Variants in PTK2 observed in about 807,000 individuals in gnomAD.
PTK2 encodes the protein protein tyrosine kinase 2, also known as focal adhesion kinase 1.
Under a neutral mutation model 150.1 loss-of-function variants are expected in PTK2, and 45 were observed. The observed-to-expected ratio is 0.30, with a 90% CI of 0.24 to 0.38. PTK2 has a LOEUF of 0.38. Among genes scored for constraint, PTK2 ranks in the 10% least tolerant of loss-of-function variants. PTK2 has a pLI of 1.00. For synonymous variants in PTK2, 432 were observed against 449.2 expected, an observed-to-expected ratio of 0.96 and a Z score of 0.48; for missense variants, 919 against 1,307.3, an observed-to-expected ratio of 0.70 and a Z score of 4.58.
At chr8:140,821,224 C>T (rs1334691644) in intron 8 of PTK2, 1 of 152,218 alleles carries the variant, frequency 6.6e-6, no homozygotes, top group African/African-American at 2.4e-5. Context: ...TTACCTAAGG[C>T]ATGTGACTTT....
At chr8:140,932,688 A>G (rs2100172277) in intron 1 of PTK2, among the ~76,000 whole-genome samples, 1 of 152,204 alleles carries the variant, frequency 6.6e-6, no homozygotes, top group South Asian at 2.1e-4. Context: ...TAAATTATGG[A>G]TATTTGCATC....
intron 13 of PTK2, among the ~76,000 whole-genome samples, chr8:140,790,949 C>A (rs1254120374): frequency 6.6e-6 from 1 of 152,164 alleles, no homozygotes; most frequent in African/African-American, 2.4e-5. Context: ...GTCTGCGCCA[C>A]AATTATGTAT....
At chr8:140,858,219 G>C (rs1409210960) in intron 5 of PTK2, among the ~76,000 whole-genome samples, 1 of 151,876 alleles carries the variant, frequency 6.6e-6, no homozygotes, top group Admixed American at 6.6e-5. Flanking sequence ...AGAAAGACAA[G>C]AAATTAAAAA....
intron 5 of PTK2, among the ~76,000 whole-genome samples, chr8:140,863,048 T>TG (rs1007378962): frequency 2.0e-5 from 3 of 152,208 alleles, no homozygotes; most frequent in African/African-American, 7.2e-5. Context: ...ATCTTTTAAA[T>TG]GGTAACATCT....
intron 5 of PTK2, among the ~76,000 whole-genome samples, chr8:140,850,144 G>T (rs1174158531): frequency 6.6e-6 from 1 of 152,120 alleles, no homozygotes. Flanking sequence ...TTAATTTGTT[G>T]GCTAGGCACA....
At chr8:140,748,370 G>C (rs995337391) in intron 17 of PTK2, among the ~76,000 whole-genome samples, 5 of 152,126 alleles carry the variant, frequency 3.3e-5, no homozygotes, top group African/African-American at 9.6e-5. Context: ...GTGTGTGCCT[G>C]TAGTCCCAGC....
chr8:140,927,973 A>ATAGATATAT (rs1257108435), intron 1 of PTK2, among the ~76,000 whole-genome samples: 1 of 72,940 alleles, frequency 1.4e-5, no homozygotes, highest in Non-Finnish European at 2.4e-5. Context: ...AAAAAAAAAA[A>ATAGATATAT]AAATATATAT....
chr8:140,822,312 AGTATAATTCT>A (rs1210971413), intron 8 of PTK2: 2 of 151,908 alleles, frequency 1.3e-5, no homozygotes, highest in African/African-American at 4.8e-5. Context: ...CAGGAGGAAC[AGTATAATTCT>A]GTGCATATAG....
At chr8:140,928,122 T>C (rs182071370) in intron 1 of PTK2, among the ~76,000 whole-genome samples, 2 of 151,610 alleles carry the variant, frequency 1.3e-5, no homozygotes, top group Admixed American at 6.6e-5. Context: ...TGGCCTTTTT[T>C]GTCAATTTCC....
intron 10 of PTK2, among the ~76,000 whole-genome samples, chr8:140,810,785 C>A (rs2100101048): frequency 1.3e-5 from 2 of 152,228 alleles, no homozygotes; most frequent in Admixed American, 1.3e-4. Context: ...CTTATGTCAA[C>A]ATTATCCCAA....
chr8:140,751,957 C>T, intron 17 of PTK2: 1 of 595,360 alleles, frequency 1.7e-6, no homozygotes, highest in Non-Finnish European at 3.2e-6. Flanking sequence ...TATATATCTG[C>T]ACCAATTCCA....
intron 1 of PTK2, among the ~76,000 whole-genome samples, chr8:140,940,890 A>G (rs1436939572): frequency 1.3e-5 from 2 of 152,056 alleles, no homozygotes; most frequent in Non-Finnish European, 2.9e-5. Flanking sequence ...GAATTGCTTG[A>G]ACCCAGGAGG....
intron 18 of PTK2, 158 bp downstream of exon 21, chr8:140,746,602 T>G: frequency 1.9e-6 from 1 of 521,068 alleles, no homozygotes; most frequent in Non-Finnish European, 3.3e-6. Context: ...ATGATGAAGA[T>G]ATTTATACCC....
intron 16 of PTK2, 28 bp from the exon 20 acceptor site, chr8:140,752,344 C>A (rs1172250585): frequency 6.3e-7 from 1 of 1,590,694 alleles, no homozygotes; most frequent in Non-Finnish European, 8.6e-7. Flanking sequence ...TAGAATCACA[C>A]ACACATGCAA....
At chr8:140,714,796 C>CAAAAAAAAAAAA (rs398010102) in intron 23 of PTK2, among the ~76,000 whole-genome samples, 3 of 46,872 alleles carry the variant, frequency 6.4e-5, no homozygotes, top group African/African-American at 9.0e-5. Flanking sequence ...GGCTCTGTCT[C>CAAAAAAAAAAAA]AAAAAAAAAA....
At chr8:140,885,181 A>ATT (rs2100151823) in intron 3 of PTK2, among the ~76,000 whole-genome samples, 2 of 152,218 alleles carry the variant, frequency 1.3e-5, no homozygotes, top group African/African-American at 4.8e-5. Flanking sequence ...ATATCAGTAA[A>ATT]GTGGGGTATG....
chr8:140,759,262 G>A (rs1160487027), intron 16 of PTK2, among the ~76,000 whole-genome samples: 2 of 151,684 alleles, frequency 1.3e-5, no homozygotes, highest in African/African-American at 4.9e-5. Flanking sequence ...AGTCTTATAC[G>A]CTGCTGCTAG....
At chr8:140,777,268 T>C (rs958440997) in intron 14 of PTK2, among the ~76,000 whole-genome samples, 1 of 152,208 alleles carries the variant, frequency 6.6e-6, no homozygotes, top group African/African-American at 2.4e-5. Flanking sequence ...TTTTGGCTTC[T>C]GGGGAGGCCT....
intron 30 of PTK2, among the ~76,000 whole-genome samples, chr8:140,666,367 CCAA>C (rs1375290512): frequency 1.3e-5 from 2 of 151,626 alleles, no homozygotes; most frequent in African/African-American, 2.4e-5. Flanking sequence ...AACAAAAAAC[CCAA>C]CAACAACAAT....
Sources: allele counts gnomAD v4.1 joint callset (sites outside exome capture counted in the v4.1 genomes callset), GRCh38; gene constraint gnomAD v4.1.1; transcripts MANE v1.5; gene names NCBI Gene and HGNC (gene_info 2026-07-23, HGNC 2026-07-21).